ROBO2: variants seen among roughly 807,000 people sequenced by gnomAD.
The protein encoded by ROBO2 is roundabout homolog 2.
In ROBO2, 53 loss-of-function variants were observed where a neutral mutation model predicts 160.8. The ratio of observed to expected loss-of-function variants is 0.33; its 90% CI spans 0.26 to 0.41. The LOEUF is 0.41. Ranked by LOEUF, ROBO2 falls within the 10% of genes least tolerant of loss-of-function variation. ROBO2 has a pLI of 1.00. For synonymous variants in ROBO2, 664 were observed against 611.7 expected (o/e 1.09, Z -1.26); for missense variants, 1,577 against 1,722.4 (o/e 0.92, Z 1.49).
intron 2 of ROBO2, among the ~76,000 whole-genome samples, chr3:76,597,683 C>A (rs1007334432): frequency 6.6e-6 from 1 of 152,010 alleles, no homozygotes; most frequent in African/African-American, 2.4e-5. Flanking sequence ...TTTCTGATCC[C>A]TCCCTCCTCC....
At chr3:77,369,493 A>T (rs1446553609) in intron 2 of ROBO2, among the ~76,000 whole-genome samples, 2 of 152,178 alleles carry the variant, frequency 1.3e-5, no homozygotes, top group Admixed American at 1.3e-4. Flanking sequence ...TGATGCTAGC[A>T]GGTATGTGGA....
At chr3:76,265,161 T>C (rs1559698149) in intron 2 of ROBO2, among the ~76,000 whole-genome samples, 2 of 152,134 alleles carry the variant, frequency 1.3e-5, no homozygotes, top group Admixed American at 6.6e-5. Context: ...CCCTGGGTCC[T>C]TTTTCTGCTT....
intron 2 of ROBO2, among the ~76,000 whole-genome samples, chr3:76,477,518 A>G (rs1252754349): frequency 3.3e-5 from 5 of 152,174 alleles, no homozygotes; most frequent in Non-Finnish European, 5.9e-5. Context: ...GGGAATGATC[A>G]AATTAATATT....
intron 2 of ROBO2, among the ~76,000 whole-genome samples, chr3:76,959,094 A>G (rs2079476371): frequency 6.6e-6 from 1 of 152,178 alleles, no homozygotes; most frequent in Non-Finnish European, 1.5e-5. Flanking sequence ...ACCAGCCAAG[A>G]TGTATAAAAA....
intron 2 of ROBO2, among the ~76,000 whole-genome samples, chr3:77,166,598 G>A (rs914104899): frequency 1.3e-5 from 2 of 152,074 alleles, no homozygotes; most frequent in East Asian, 1.9e-4. Context: ...TCACTCTGTC[G>A]CCCAGGCTGG....
chr3:76,677,153 G>T (rs559157223), intron 2 of ROBO2, among the ~76,000 whole-genome samples: 6 of 151,922 alleles, frequency 3.9e-5, no homozygotes, highest in Admixed American at 3.3e-4. Context: ...CTTAATGGAA[G>T]TATCACTATG....
chr3:77,523,655 A>T (rs1395351041), intron 6 of ROBO2, among the ~76,000 whole-genome samples: 2 of 151,392 alleles, frequency 1.3e-5, no homozygotes, highest in Admixed American at 1.3e-4. Flanking sequence ...GGGAAATTAC[A>T]TAGTTCAAGG....
intron 2 of ROBO2, among the ~76,000 whole-genome samples, chr3:77,112,929 C>T (rs111490702): frequency 1.3e-3 from 195 of 152,278 alleles, no homozygotes; most frequent in African/African-American, 4.5e-3. Flanking sequence ...ACTGAATCTC[C>T]AGGATAATGA....
intron 2 of ROBO2, among the ~76,000 whole-genome samples, chr3:76,138,990 G>A (rs1302963287): frequency 6.6e-6 from 1 of 152,130 alleles, no homozygotes; most frequent in Non-Finnish European, 1.5e-5. Context: ...ACAAGAGAAT[G>A]TTTTGGCAAG....
intron 2 of ROBO2, among the ~76,000 whole-genome samples, chr3:77,315,781 A>T (rs1460575747): frequency 1.3e-5 from 2 of 152,204 alleles, no homozygotes; most frequent in Admixed American, 6.5e-5. Flanking sequence ...AAGCTGATTT[A>T]AAAAAGAAAG....
intron 2 of ROBO2, among the ~76,000 whole-genome samples, chr3:76,576,043 G>C (rs2085268925): frequency 1.3e-5 from 2 of 151,968 alleles, no homozygotes; most frequent in African/African-American, 4.8e-5. Flanking sequence ...ATATTTAGGG[G>C]AATCTGATTG....
intron 2 of ROBO2, among the ~76,000 whole-genome samples, chr3:76,316,400 G>T (rs1335574710): frequency 6.6e-6 from 1 of 152,066 alleles, no homozygotes; most frequent in Non-Finnish European, 1.5e-5. Flanking sequence ...TAGTGATATC[G>T]CTCCTACTTC....
chr3:75,963,445 C>T lies in ROBO2; in HGVS notation c.109+25843C>T, dbSNP rs139493181. ...CTTCCAGCCTCAAGTGATCCTCCCA[C>T]CTTTGCCTCCCAAAGTTCTGGGATT... On this transcript the variant is annotated intron_variant, in intron 2 of 26. Coordinates refer to the ROBO2 transcript ENST00000487694. Among the ~76,000 whole-genome samples the T allele has an allele frequency of 2.5e-3, 378 of 151,942 alleles. 3 individuals carry two copies. Among genetic ancestry groups the T allele is most frequent in the African/African-American group, 8.7e-3 (361 of 41,530 alleles).
At chr3:76,860,332 G>C (rs138867133) in intron 2 of ROBO2, among the ~76,000 whole-genome samples, 1 of 152,066 alleles carries the variant, frequency 6.6e-6, no homozygotes, top group Non-Finnish European at 1.5e-5. Flanking sequence ...AAATGTTTTC[G>C]TAGGGCATTT....
At chr3:76,110,716 T>C (rs2070189318) in intron 2 of ROBO2, among the ~76,000 whole-genome samples, 1 of 152,058 alleles carries the variant, frequency 6.6e-6, no homozygotes, top group Admixed American at 6.6e-5. Context: ...GCATTTATGG[T>C]ACTAATAAAA....
rs1272825165 is a variant in ROBO2, at chr3:77,360,638, C to A, written c.389-116776C>A. 2.7e-5 allele frequency among the ~76,000 whole-genome samples: 4 copies of A among 148,796 alleles called. No individual in the cohort carries two copies. In the Admixed American group the frequency reaches 2.7e-4, roughly 10 times the overall value. ...TTCCAGTTGACTTTTTTTTTTTTAA[C>A]AAAACTGTAACATGTGGTTTGCAAT... On this transcript the variant is annotated intron_variant, in intron 2 of 25. Coordinates refer to ENST00000461745, the Ensembl canonical transcript of ROBO2.
intron 2 of ROBO2, among the ~76,000 whole-genome samples, chr3:76,030,154 T>A (rs558716600): frequency 2.4e-4 from 37 of 152,386 alleles, no homozygotes; most frequent in Admixed American, 2.4e-3. Flanking sequence ...GTTGGCTGAA[T>A]AAATGTCTTC....
chr3:77,320,689 A>G (rs2064583171), intron 2 of ROBO2, among the ~76,000 whole-genome samples: 1 of 152,150 alleles, frequency 6.6e-6, no homozygotes, highest in Non-Finnish European at 1.5e-5. Context: ...TACAGGCAAA[A>G]AAAGAAAAAG....
At chr3:77,242,583 T>C (rs892279434) in intron 2 of ROBO2, among the ~76,000 whole-genome samples, 2 of 152,110 alleles carry the variant, frequency 1.3e-5, no homozygotes, top group African/African-American at 4.8e-5. Context: ...ACACCAACAG[T>C]GACACGACTT....
Sources: allele counts gnomAD v4.1 joint callset (sites outside exome capture counted in the v4.1 genomes callset), GRCh38; gene constraint gnomAD v4.1.1; transcripts MANE v1.5; gene names NCBI Gene and HGNC (gene_info 2026-07-23, HGNC 2026-07-21).